Variants in GRIP1 observed in about 807,000 individuals in gnomAD.
GRIP1 encodes the protein glutamate receptor interacting protein 1.
A neutral mutation model predicts 129.9 loss-of-function variants in GRIP1; 45 were observed. The observed-to-expected ratio is 0.35, with a 90% confidence interval of 0.27 to 0.44. The LOEUF (loss-of-function observed/expected upper bound fraction) is 0.44. Ranked by LOEUF, GRIP1 falls within the 20% of genes least tolerant of loss-of-function variation. The pLI is 1.00. For synonymous variants in GRIP1, 530 were observed against 520.8 expected (o/e 1.02, Z -0.24); for missense variants, 1,196 against 1,396.8 (o/e 0.86, Z 2.29).
intron 1 of GRIP1, among the ~76,000 whole-genome samples, chr12:66,598,511 A>G (rs2064145163): frequency 6.6e-6 from 1 of 152,206 alleles, no homozygotes; most frequent in African/African-American, 2.4e-5. Flanking sequence ...AGTATAATTA[A>G]AATCCACAAA....
chr12:66,867,373 G>C (rs1029607833), intron 1 of GRIP1, among the ~76,000 whole-genome samples: 11 of 152,132 alleles, frequency 7.2e-5, no homozygotes, highest in Non-Finnish European at 1.3e-4. Context: ...CTTAATACCA[G>C]AAAAGCGTGA....
intron 1 of GRIP1, among the ~76,000 whole-genome samples, chr12:66,893,430 G>A (rs1161586344): frequency 6.6e-6 from 1 of 152,032 alleles, no homozygotes; most frequent in Non-Finnish European, 1.5e-5. Context: ...TAGAGATGGG[G>A]TCTCACCATG....
intron 23 of GRIP1, among the ~76,000 whole-genome samples, chr12:66,355,484 C>G (rs189116231): frequency 1.3e-5 from 2 of 152,272 alleles, no homozygotes; most frequent in East Asian, 3.9e-4. Context: ...GAGTAGTAAG[C>G]CCCACTTTAC....
chr12:66,877,432 C>G (rs2040402132), intron 1 of GRIP1, among the ~76,000 whole-genome samples: 1 of 151,978 alleles, frequency 6.6e-6, no homozygotes, highest in Admixed American at 6.6e-5. Flanking sequence ...AAGGGTGTAA[C>G]TGTTCTCATA....
At chr12:66,919,591 C>T (rs1278128652) in intron 1 of GRIP1, among the ~76,000 whole-genome samples, 2 of 152,134 alleles carry the variant, frequency 1.3e-5, no homozygotes, top group Non-Finnish European at 2.9e-5. Flanking sequence ...CTGTTGTCTG[C>T]TTCCTAATGA....
intron 23 of GRIP1, 41 bp from the exon 24 acceptor site, chr12:66,353,604 G>A: frequency 1.3e-6 from 2 of 1,592,388 alleles, no homozygotes; most frequent in Non-Finnish European, 8.6e-7. Flanking sequence ...AGCTGGGGTG[G>A]AGACTTTTCC....
intron 1 of GRIP1, among the ~76,000 whole-genome samples, chr12:66,959,198 G>GTAAT (rs2041887323): frequency 6.6e-6 from 1 of 152,084 alleles, no homozygotes; most frequent in Admixed American, 6.6e-5. Context: ...TCTCCAATGT[G>GTAAT]TCATTTATCT....
chr12:67,013,876 G>A (rs12580718), intron 1 of GRIP1, among the ~76,000 whole-genome samples: 57,285 of 152,012 alleles, frequency 0.38, 11,090 homozygotes, highest in African/African-American at 0.41. Flanking sequence ...AAACCAATAA[G>A]GACTTGGAAT....
chr12:66,382,174 A>G (rs529181705), intron 19 of GRIP1, among the ~76,000 whole-genome samples: 10 of 152,342 alleles, frequency 6.6e-5, no homozygotes, highest in Admixed American at 1.3e-4. Context: ...GGCTGCAGTG[A>G]GCCAAGTTTG....
intron 7 of GRIP1, among the ~76,000 whole-genome samples, chr12:66,481,856 C>G (rs533647318): frequency 2.0e-5 from 3 of 152,016 alleles, no homozygotes; most frequent in Non-Finnish European, 2.9e-5. Context: ...GAACAGGAAA[C>G]CAAACACCGC....
intron 1 of GRIP1, among the ~76,000 whole-genome samples, chr12:66,597,914 A>G (rs2064118039): frequency 6.6e-6 from 1 of 152,206 alleles, no homozygotes; most frequent in African/African-American, 2.4e-5. Context: ...ACACCCTTAA[A>G]CATTTCAAGA....
intron 1 of GRIP1, among the ~76,000 whole-genome samples, chr12:66,947,011 T>C (rs866221720): frequency 6.6e-6 from 1 of 151,070 alleles, no homozygotes; most frequent in South Asian, 2.1e-4. Context: ...ACCACTGCAC[T>C]GCAGCCTGGG....
Position 66,612,951 on chromosome 12 carries a change from C to G in GRIP1, c.56-16024G>C, listed in dbSNP as rs569524822. On this transcript the variant is annotated intron_variant, in intron 1 of 24. Coordinates refer to ENST00000359742, the MANE Select transcript of GRIP1 (RefSeq NM_001366722.1). ...CTATTCAATTACCGGGGAAAGACAG[C>G]ATCCAAACAACAGAGAATCAGAACA... Among the ~76,000 whole-genome samples, 5 of 152,248 alleles carry G rather than the reference C, an allele frequency of 3.3e-5. No homozygotes were observed. The South Asian group carries it at 1.0e-3, about 32-fold the overall frequency.
chr12:66,675,236 C>A (rs2034271654), intron 1 of GRIP1, among the ~76,000 whole-genome samples: 1 of 152,098 alleles, frequency 6.6e-6, no homozygotes. Flanking sequence ...GTGCCCAGAG[C>A]CGTGCTCCCT....
chr12:66,942,939 C>T (rs901974760), intron 1 of GRIP1, among the ~76,000 whole-genome samples: 3 of 152,126 alleles, frequency 2.0e-5, no homozygotes, highest in South Asian at 2.1e-4. Flanking sequence ...AACCAGAAGG[C>T]GGGCCCTCAC....
At chr12:66,468,356 G>C (rs537323375) in intron 7 of GRIP1, among the ~76,000 whole-genome samples, 1 of 152,338 alleles carries the variant, frequency 6.6e-6, no homozygotes, top group African/African-American at 2.4e-5. Context: ...TTTCTCAAGA[G>C]ATTGAGAAAG....
chr12:66,895,907 C>A (rs2040739532), intron 1 of GRIP1, among the ~76,000 whole-genome samples: 1 of 147,676 alleles, frequency 6.8e-6, no homozygotes, highest in African/African-American at 2.4e-5. Flanking sequence ...ATGACTATGG[C>A]CACTTCTTAT....
chr12:66,492,725 C>T (rs1207939144), intron 7 of GRIP1, among the ~76,000 whole-genome samples: 1 of 152,120 alleles, frequency 6.6e-6, no homozygotes. Flanking sequence ...TTTAGACTGG[C>T]TAGGCCAGGC....
chr12:66,483,844 A>G (rs1390587601), intron 7 of GRIP1, among the ~76,000 whole-genome samples: 1 of 149,666 alleles, frequency 6.7e-6, no homozygotes. Context: ...CCATCCAAAA[A>G]GTAACCATTA....
Sources: gnomAD v4.1 joint callset for allele counts (sites outside exome capture counted in the v4.1 genomes callset) on GRCh38, gnomAD v4.1.1 for gene constraint, MANE v1.5 for transcripts, NCBI Gene and HGNC (gene_info 2026-07-23, HGNC 2026-07-21) for gene names.